CLHC1: variants seen among roughly 807,000 people sequenced by gnomAD.
The protein encoded by CLHC1 is clathrin heavy chain linker domain-containing protein 1.
A neutral mutation model predicts 69.5 loss-of-function variants in CLHC1; 72 were observed. That is an observed-to-expected ratio of 1.04 (90% CI 0.86 to 1.26). The LOEUF is 1.26. Among genes scored for constraint, CLHC1 ranks in the 50% most tolerant of loss-of-function variants. The pLI, the probability that CLHC1 is intolerant of heterozygous loss-of-function variation, is 0.00. For synonymous variants in CLHC1, 223 were observed against 224.3 expected (o/e 0.99, Z 0.05); for missense variants, 790 against 679.3 (o/e 1.16, Z -1.81).
At position 55,209,477 on chromosome 2, in the gene CLHC1, T is replaced by C. The variant is rs139361340; in HGVS notation, c.741A>G (p.Ser247=). 315 of 1,612,152 alleles carry C rather than the reference T, an allele frequency of 2.0e-4. 3 individuals carry two copies. The Admixed American group carries it at 5.0e-3, about 26-fold the overall frequency. The stretch of plus-strand genomic sequence containing the variant: ...GGCTGCTCATATCAGATTTTACCCA[T>C]GAACTAAGTGCCTGTGAAATTATCT... ...RLQIISQALS[S]WVKSDMSSPF... Residue 247 remains serine, a synonymous_variant, in exon 7 of 13, where the codon TCA becomes TCG. Transcript: ENST00000401408.
intron 10 of CLHC1, 116 bp from the exon 11 acceptor site, chr2:55,180,828 C>T (rs1669867813): frequency 2.8e-6 from 2 of 711,178 alleles, no homozygotes; most frequent in African/African-American, 1.8e-5. Flanking sequence ...TGTAAGAATT[C>T]CAAGTTACAA....
In CLHC1 at chr2:55,212,676, G is replaced by C; in HGVS notation, c.496C>G (p.Pro166Ala). 1 of 1,594,732 alleles carries C rather than the reference G, an allele frequency of 6.3e-7. No homozygotes were observed. Among genetic ancestry groups the C allele is most frequent in the Non-Finnish European group, 8.6e-7 (1 of 1,163,536 alleles). ...TATTTTAAACAAAATACAATACCTG[G>C]AATAGGTTTTGAAGGATCTTTGGAG... is the stretch of plus-strand genomic sequence containing the variant. The part of the protein sequence containing the change: ...TFSKDPSKPI[P>A]GMTLQESMNL... Residue 166 changes from proline to alanine, a missense_variant, in exon 5 of 13, where the codon CCA (proline) becomes GCA (alanine). Transcript: ENST00000401408.
At chr2:55,217,563 A>G (rs1206341431) in intron 4 of CLHC1, among the ~76,000 whole-genome samples, 71 of 95,464 alleles carry the variant, frequency 7.4e-4, no homozygotes, top group Middle Eastern at 4.8e-3. Context: ...ATATATATAT[A>G]TATATATATA....
intron 9 of CLHC1, among the ~76,000 whole-genome samples, chr2:55,197,421 AC>A (rs1671530852): frequency 6.6e-6 from 1 of 152,170 alleles, no homozygotes; most frequent in South Asian, 2.1e-4. Flanking sequence ...TTCAGGTCTG[AC>A]CTACTACATT....
chr2:55,219,352 G>T (rs1358198436), intron 3 of CLHC1, among the ~76,000 whole-genome samples: 1 of 152,140 alleles, frequency 6.6e-6, no homozygotes. Context: ...CACTAAAGTA[G>T]AAATATGCAA....
At chr2:55,199,805 G>A (rs1214703096) in intron 9 of CLHC1, among the ~76,000 whole-genome samples, 1 of 151,876 alleles carries the variant, frequency 6.6e-6, no homozygotes, top group East Asian at 1.9e-4. Flanking sequence ...TTCACTAAAA[G>A]AAAGACAGGA....
chr2:55,208,545 G>C (rs1672656933), intron 8 of CLHC1, 81 bp downstream of exon 8: 4 of 852,954 alleles, frequency 4.7e-6, no homozygotes, highest in Non-Finnish European at 7.8e-6. Context: ...AAATCTCCTA[G>C]ATTCCCAATC....
intron 11 of CLHC1, among the ~76,000 whole-genome samples, chr2:55,180,253 T>C (rs1669796458): frequency 6.6e-6 from 1 of 152,168 alleles, no homozygotes; most frequent in Non-Finnish European, 1.5e-5. Flanking sequence ...TTTAAAACTG[T>C]ATATTTCCAG....
chr2:55,187,194 G>T (rs1050560140), intron 9 of CLHC1, among the ~76,000 whole-genome samples: 2 of 151,878 alleles, frequency 1.3e-5, no homozygotes, highest in Admixed American at 6.6e-5. Context: ...CAGGAGAATC[G>T]CTTGAACCCG....
intron 3 of CLHC1, 102 bp from the exon 4 acceptor site, chr2:55,218,100 A>T (rs369584857): frequency 5.3e-6 from 3 of 568,658 alleles, no homozygotes; most frequent in East Asian, 6.7e-5. Flanking sequence ...AAAATGAAAC[A>T]TGATTAGCAA....
At chr2:55,214,974 C>G (rs1255173022) in intron 4 of CLHC1, 1 of 152,172 alleles carries the variant, frequency 6.6e-6, no homozygotes, top group Non-Finnish European at 1.5e-5. Flanking sequence ...GACAACTTCA[C>G]TGAGATGAAT....
chr2:55,172,831 G>A lies in CLHC1; in HGVS notation c.*2959C>T, dbSNP rs1448875848. Among the ~76,000 whole-genome samples, 1 of 151,954 alleles carries A rather than the reference G, an allele frequency of 6.6e-6. No individual in the cohort carries two copies. Among genetic ancestry groups the A allele is most frequent in the Non-Finnish European group, 1.5e-5 (1 of 67,966 alleles). On this transcript the variant is annotated 3_prime_UTR_variant, in exon 13 of 13. Coordinates refer to ENST00000401408, the MANE Select transcript of CLHC1 (RefSeq NM_152385.4). Reference sequence around the variant, plus strand: ...AAGTTAAAAAAGTGATTAATTTAATGGTCATTTCTTAGTTAATTCAGGATT... The same window carrying A: ...AAGTTAAAAAAGTGATTAATTTAATAGTCATTTCTTAGTTAATTCAGGATT...
At chr2:55,179,800 TA>T (rs1256000850) in intron 11 of CLHC1, among the ~76,000 whole-genome samples, 1 of 152,198 alleles carries the variant, frequency 6.6e-6, no homozygotes. Flanking sequence ...AATTGTGTTT[TA>T]AAATTTTGAA....
intron 2 of CLHC1, chr2:55,224,751 G>A: frequency 6.1e-6 from 2 of 327,534 alleles, no homozygotes; most frequent in South Asian, 3.2e-5. Context: ...TTGTGTCCAT[G>A]AGAACATCAG....
At chr2:55,201,023 C>A (rs557119086) in intron 9 of CLHC1, among the ~76,000 whole-genome samples, 1 of 151,886 alleles carries the variant, frequency 6.6e-6, no homozygotes, top group African/African-American at 2.4e-5. Flanking sequence ...TATAGGATAA[C>A]AATGAAAGCA....
intron 5 of CLHC1, 21 bp from the exon 6 acceptor site, chr2:55,209,852 T>C (rs1212259911): frequency 6.5e-7 from 1 of 1,528,636 alleles, no homozygotes; most frequent in East Asian, 2.2e-5. Context: ...AGGGAACAAA[T>C]CAAACACGAC....
At chr2:55,176,088 C>G (rs1261126077) in intron 12 of CLHC1, 102 bp from the exon 13 acceptor site, 2 of 900,392 alleles carry the variant, frequency 2.2e-6, no homozygotes, top group Non-Finnish European at 3.4e-6. Flanking sequence ...AACTCAGTTA[C>G]TGTTAAACTC....
Position 55,218,995 on chromosome 2 carries a change from T to C in CLHC1, c.178-997A>G, listed in dbSNP as rs1220316920. On this transcript the variant is annotated intron_variant, in intron 3 of 12. Transcript: ENST00000401408. ...AGGCATCTGGTCTATGAGCAAATGA[T>C]ATAAGGAGATTATTGATCTCCTGGC... is the stretch of plus-strand genomic sequence containing the variant. Among the ~76,000 whole-genome samples, 2 of 152,188 alleles carry C rather than the reference T, an allele frequency of 1.3e-5. 1 individual carries two copies. The highest frequency in any genetic ancestry group is 1.3e-4 in the Admixed American group (2 of 15,270).
Position 55,177,724 on chromosome 2 carries a change from G to C in CLHC1, c.1442C>G (p.Thr481Ser). The change falls in exon 12 of 13, where the codon ACT becomes AGT. Residue 481 changes from threonine to serine, a missense_variant. Thr to Ser is a moderately conservative substitution (Grantham distance 58, BLOSUM62 1). Transcript: ENST00000401408. ...CPQVELIQCLTKELNEKQPSL... is the reference protein window; with the variant it reads ...CPQVELIQCLSKELNEKQPSL... ...TGGTTGTTTCTCATTCAACTCTTTA[G>C]TGAGACACTGAATTAATTCAACTTG... 1 of 1,612,920 alleles carries C rather than the reference G, an allele frequency of 6.2e-7. No homozygotes were observed. Among genetic ancestry groups the C allele is most frequent in the Non-Finnish European group, 8.5e-7 (1 of 1,179,204 alleles).
Sources: allele counts gnomAD v4.1 joint callset (sites outside exome capture counted in the v4.1 genomes callset), GRCh38; gene constraint gnomAD v4.1.1; transcripts MANE v1.5; gene names NCBI Gene and HGNC (gene_info 2026-07-23, HGNC 2026-07-21).